The following TOX3 variants were observed in gnomAD, a reference collection of about 807,000 sequenced individuals.
TOX3 encodes the protein TOX high mobility group box family member 3.
Under a neutral mutation model 64.3 loss-of-function variants are expected in TOX3, and 22 were observed. The observed-to-expected ratio is 0.34, with a 90% confidence interval of 0.24 to 0.49. The LOEUF (loss-of-function observed/expected upper bound fraction) is 0.49. Ranked by LOEUF, TOX3 falls within the 20% of genes least tolerant of loss-of-function variation. The pLI is 0.99. For synonymous variants in TOX3, 291 were observed against 273.6 expected, an observed-to-expected ratio of 1.06 and a Z score of -0.63; for missense variants, 661 against 714.4, an observed-to-expected ratio of 0.93 and a Z score of 0.85.
At chr16:52,461,338 T>C (rs1342478665) in intron 3 of TOX3, among the ~76,000 whole-genome samples, 1 of 152,188 alleles carries the variant, frequency 6.6e-6, no homozygotes, top group Non-Finnish European at 1.5e-5. Flanking sequence ...CATTCAATTT[T>C]TCAGCAATTC....
At chr16:52,482,827 G>A (rs1961404290) in intron 1 of TOX3, among the ~76,000 whole-genome samples, 1 of 152,110 alleles carries the variant, frequency 6.6e-6, no homozygotes, top group Non-Finnish European at 1.5e-5. Context: ...AAATATATAT[G>A]GCACACAGGA....
chr16:52,514,357 A>C (rs950638835), intron 1 of TOX3, among the ~76,000 whole-genome samples: 2 of 152,170 alleles, frequency 1.3e-5, no homozygotes, highest in Non-Finnish European at 2.9e-5. Context: ...TTGTATTCTG[A>C]ATATCATGTC....
chr16:52,509,172 T>C (rs1391917442), intron 1 of TOX3, among the ~76,000 whole-genome samples: 1 of 152,190 alleles, frequency 6.6e-6, no homozygotes, highest in Non-Finnish European at 1.5e-5. Flanking sequence ...ATATATAGCT[T>C]CATCATTGTT....
chr16:52,463,006 A>G (rs1960738139), intron 3 of TOX3, among the ~76,000 whole-genome samples: 2 of 152,164 alleles, frequency 1.3e-5, no homozygotes, highest in East Asian at 3.8e-4. Flanking sequence ...TTTTGCAATC[A>G]TATGTTGTTA....
chr16:52,490,723 G>A (rs1390818655), intron 1 of TOX3, among the ~76,000 whole-genome samples: 4 of 145,492 alleles, frequency 2.7e-5, no homozygotes, highest in East Asian at 2.1e-4. Context: ...TTAGCTTCCT[G>A]GACTCAACCA....
intron 1 of TOX3, among the ~76,000 whole-genome samples, chr16:52,517,400 GA>G (rs1389475202): frequency 6.6e-6 from 1 of 151,988 alleles, no homozygotes; most frequent in Non-Finnish European, 1.5e-5. Context: ...ATACTGGAAG[GA>G]AAAGAAGGTA....
At position 52,485,244 on chromosome 16, in the gene TOX3, G is replaced by GTATATATATATA. The variant is rs761645024; in HGVS notation, c.88-16671_88-16670insTATATATATATA. Among the ~76,000 whole-genome samples, 576 of 95,258 alleles carry GTATATATATATA rather than the reference G, an allele frequency of 6.0e-3. 10 individuals carry two copies. The highest frequency in any genetic ancestry group is 0.03 in the African/African-American group (540 of 18,286). The allele number at this position is 95,258 out of a possible 152,430, so 62.5% of individuals were successfully genotyped here. On this transcript the variant is annotated intron_variant, in intron 1 of 6. Transcript: ENST00000219746. The stretch of plus-strand genomic sequence containing the variant: ...TACATGTGTGTGTGTGTATGTGTGT[G>GTATATATATATA]TGTATATATATATATATATATATAT...
At position 52,523,214 on chromosome 16, in the gene TOX3, C is replaced by A. The variant is rs528527211; in HGVS notation, c.87+23423G>T. ...TGAGCCATGCAAATATCTGATGCAA[C>A]GGTATTTGGGGCAGAGGAAAACAGG... On this transcript the variant is annotated intron_variant, in intron 1 of 6. Coordinates refer to ENST00000219746, the MANE Select transcript of TOX3 (RefSeq NM_001080430.4). Among the ~76,000 whole-genome samples, 31 of 152,234 alleles carry A rather than the reference C, an allele frequency of 2.0e-4. No individual in the cohort carries two copies. In the South Asian group the frequency reaches 6.2e-3, roughly 31 times the overall value.
intron 1 of TOX3, among the ~76,000 whole-genome samples, chr16:52,534,210 C>T (rs1962904647): frequency 6.6e-6 from 1 of 152,118 alleles, no homozygotes. Flanking sequence ...AAAATGGACA[C>T]AGTTTATCCC....
chr16:52,469,867 T>C (rs1329008611), intron 1 of TOX3, among the ~76,000 whole-genome samples: 1 of 152,200 alleles, frequency 6.6e-6, no homozygotes, highest in African/African-American at 2.4e-5. Flanking sequence ...CACTTTATCA[T>C]GTCAGGGATC....
At chr16:52,475,547 A>T (rs1357436082) in intron 1 of TOX3, 2 of 152,216 alleles carry the variant, frequency 1.3e-5, no homozygotes, top group African/African-American at 4.8e-5. Flanking sequence ...ATAGAGCCCT[A>T]GGTGGATGGG....
chr16:52,485,901 AG>A (rs1340052049), intron 1 of TOX3, among the ~76,000 whole-genome samples: 1 of 152,080 alleles, frequency 6.6e-6, no homozygotes, highest in Non-Finnish European at 1.5e-5. Flanking sequence ...CCATCAAGGA[AG>A]CTTCTAGGTT....
intron 1 of TOX3, among the ~76,000 whole-genome samples, chr16:52,480,574 T>A (rs1451592263): frequency 1.3e-5 from 2 of 152,310 alleles, no homozygotes; most frequent in South Asian, 4.1e-4. Context: ...TCAGTATTTT[T>A]AAATGAAAAC....
chr16:52,519,728 C>G, intron 1 of TOX3: 2 of 599,850 alleles, frequency 3.3e-6, no homozygotes, highest in Non-Finnish European at 5.0e-6. Context: ...GAGGCCAACA[C>G]AGCAGGAGCT....
intron 1 of TOX3, among the ~76,000 whole-genome samples, chr16:52,489,824 C>T (rs1008088799): frequency 6.6e-6 from 1 of 152,076 alleles, no homozygotes; most frequent in African/African-American, 2.4e-5. Flanking sequence ...TCCAAAGCCA[C>T]GACCTTTGAT....
At chr16:52,530,982 C>T (rs147209317) in intron 1 of TOX3, among the ~76,000 whole-genome samples, 10 of 152,040 alleles carry the variant, frequency 6.6e-5, no homozygotes, top group African/African-American at 2.2e-4. Flanking sequence ...AGAAAGGCTC[C>T]GATGATTTAA....
At chr16:52,540,720 C>T (rs541826088) in intron 1 of TOX3, among the ~76,000 whole-genome samples, 4 of 152,246 alleles carry the variant, frequency 2.6e-5, no homozygotes, top group South Asian at 2.1e-4. Flanking sequence ...CTCCCACCAC[C>T]ATCACCTTGC....
At chr16:52,491,561 C>T (rs1015149944) in intron 1 of TOX3, among the ~76,000 whole-genome samples, 8 of 152,088 alleles carry the variant, frequency 5.3e-5, no homozygotes, top group East Asian at 1.9e-4. Flanking sequence ...TATGTATAAC[C>T]TTGTTTGATC....
intron 1 of TOX3, among the ~76,000 whole-genome samples, chr16:52,541,827 C>A (rs1414606981): frequency 1.3e-5 from 2 of 152,180 alleles, no homozygotes; most frequent in African/African-American, 4.8e-5. Context: ...TTGTGGACCT[C>A]TAGTTAGGAG....
Sources: allele counts gnomAD v4.1 joint callset (sites outside exome capture counted in the v4.1 genomes callset), GRCh38; gene constraint gnomAD v4.1.1; transcripts MANE v1.5; gene names NCBI Gene and HGNC (gene_info 2026-07-23, HGNC 2026-07-21).